Variants in ZNF331 observed in about 807,000 individuals in gnomAD.
ZNF331 encodes the protein C2H2-like zinc finger protein rearranged in thyroid adenomas.
A neutral mutation model predicts 7.0 loss-of-function variants in ZNF331; 2 were observed. The observed-to-expected ratio is 0.29, with a 90% CI of 0.12 to 0.90. The LOEUF (loss-of-function observed/expected upper bound fraction) is 0.90. Ranked by LOEUF, ZNF331 falls within the 40% of genes least tolerant of loss-of-function variation. The pLI, the probability that ZNF331 is intolerant of heterozygous loss-of-function variation, is 0.58. For synonymous variants in ZNF331, 196 were observed against 205.4 expected (o/e 0.95, Z 0.39); for missense variants, 432 against 587.7 (o/e 0.74, Z 2.74).
At chr19:53,520,319 T>C (rs12973155), upstream of ZNF331, among the ~76,000 whole-genome samples, 63,124 of 151,916 alleles carry the variant, frequency 0.42, 13,309 homozygotes, top group South Asian at 0.49. Flanking sequence ...AGTGCTGAGA[T>C]TACAGGCGTG....
intron 2 of ZNF331, among the ~76,000 whole-genome samples, chr19:53,528,260 T>C (rs993584977): frequency 2.0e-5 from 3 of 152,238 alleles, no homozygotes; most frequent in African/African-American, 7.2e-5. Flanking sequence ...AAATTCATGC[T>C]TAACATCAGG....
In ZNF331 at chr19:53,578,106, A is replaced by G; in HGVS notation, c.*154A>G. ...ATGGTGTGCCCTTCTGAGTAGCGTG[A>G]TGAAATCTCTCGCTGTCCGGCTCCA... On this transcript the variant is annotated 3_prime_UTR_variant, in exon 6 of 6. Coordinates refer to ENST00000449416, the MANE Select transcript of ZNF331 (RefSeq NM_001079906.2). The G allele has an allele frequency of 1.9e-6, 2 of 1,030,886 alleles. No homozygotes were observed. Among genetic ancestry groups the G allele is most frequent in the Non-Finnish European group, 2.7e-6 (2 of 734,542 alleles). 63.9% of individuals were successfully genotyped at this position (1,030,886 alleles called of 1,614,324 possible).
chr19:53,520,239 G>T (rs1262403140), upstream of ZNF331, among the ~76,000 whole-genome samples: 3 of 151,904 alleles, frequency 2.0e-5, no homozygotes, highest in African/African-American at 7.3e-5. Context: ...GAGCGATGGG[G>T]TTTCACCATG....
intron 2 of ZNF331, among the ~76,000 whole-genome samples, chr19:53,550,529 CTTTTT>C (rs60619357): frequency 3.1e-5 from 2 of 64,548 alleles, no homozygotes; most frequent in African/African-American, 6.5e-5. Context: ...TCTATTTTGT[CTTTTT>C]TTTTTTTTTT....
At chr19:53,556,421 C>A (rs974298404) in intron 3 of ZNF331, among the ~76,000 whole-genome samples, 2 of 151,604 alleles carry the variant, frequency 1.3e-5, no homozygotes, top group African/African-American at 4.8e-5. Context: ...TAATTCTTGT[C>A]TTAGTTGATT....
intron 1 of ZNF331, chr19:53,538,919 A>G (rs1316432584): frequency 6.6e-6 from 1 of 152,308 alleles, no homozygotes; most frequent in Non-Finnish European, 1.5e-5. Flanking sequence ...CTCGCCTGGA[A>G]ATTCACCAGC....
intron 2 of ZNF331, among the ~76,000 whole-genome samples, chr19:53,544,477 A>G (rs555176221): frequency 0.021 from 2,957 of 142,144 alleles, 58 homozygotes; most frequent in African/African-American, 0.058. Flanking sequence ...CCCAGGAGAC[A>G]GAGCTTGCAG....
At chr19:53,549,331 C>T (rs1474286439) in intron 2 of ZNF331, among the ~76,000 whole-genome samples, 2 of 152,084 alleles carry the variant, frequency 1.3e-5, no homozygotes, top group Admixed American at 6.6e-5. Flanking sequence ...GTCCGTTGCC[C>T]CATGAGCACA....
intron 2 of ZNF331, among the ~76,000 whole-genome samples, chr19:53,542,064 C>T (rs893773632): frequency 2.6e-5 from 4 of 151,976 alleles, no homozygotes; most frequent in African/African-American, 7.2e-5. Flanking sequence ...TCTTCTTTGC[C>T]TCTAAGCATG....
intron 2 of ZNF331, among the ~76,000 whole-genome samples, chr19:53,523,976 A>G (rs1488338376): frequency 1.3e-5 from 2 of 151,892 alleles, no homozygotes; most frequent in African/African-American, 4.8e-5. Flanking sequence ...AATTGATCTC[A>G]TTGTTCAGTT....
chr19:53,577,724 T>C lies in ZNF331; in HGVS notation c.1164T>C (p.Cys388=). Residue 388 remains cysteine, a synonymous_variant, in exon 6 of 6, where the codon TGT becomes TGC. Transcript: ENST00000449416. The part of the protein sequence containing the change: ...TGETPYKCKE[C]GKAFIYGSSL... ...AAACCCCGTATAAATGTAAGGAGTG[T>C]GGGAAGGCTTTCATTTATGGATCGA... 19 of 1,613,898 alleles carry C rather than the reference T, an allele frequency of 1.2e-5. No homozygotes were observed. The highest frequency in any genetic ancestry group is 1.6e-5 in the Non-Finnish European group (19 of 1,179,844).
upstream of ZNF331, chr19:53,537,278 G>T (rs8105870): frequency 2.0e-5 from 3 of 152,208 alleles, no homozygotes; most frequent in Admixed American, 6.5e-5. Context: ...GAATGAGAGC[G>T]GGACTCACGG....
upstream of ZNF331, among the ~76,000 whole-genome samples, chr19:53,536,745 CA>C (rs1240119760): frequency 6.6e-6 from 1 of 151,860 alleles, no homozygotes; most frequent in Non-Finnish European, 1.5e-5. Flanking sequence ...TCTAAAAATA[CA>C]AAAAAAATTA....
In ZNF331 at chr19:53,577,957, C is replaced by G; in HGVS notation, c.*5C>G. On this transcript the variant is annotated 3_prime_UTR_variant, in exon 6 of 6. Transcript: ENST00000449416. ...CAGAGGATCCACAACAGTTGAAGAG[C>G]CTTTTGAACGCAGTAGCCCGCTCGT... The G allele has an allele frequency of 6.2e-7, 1 of 1,605,690 alleles. No individual in the cohort carries two copies. The highest frequency in any genetic ancestry group is 1.3e-5 in the African/African-American group (1 of 74,860).
At chr19:53,521,252 G>C (rs764772221) in exon 1 of ZNF331, 2 of 152,456 alleles carry the variant, frequency 1.3e-5, no homozygotes, top group African/African-American at 2.4e-5. Context: ...GGAGCCACTC[G>C]GGACGCGGAG....
the ZNF331 span, among the ~76,000 whole-genome samples, chr19:53,505,849 G>A: frequency 1.3e-5 from 2 of 151,736 alleles, no homozygotes; most frequent in African/African-American, 4.8e-5. Context: ...GCTGGGCGTG[G>A]TGGTGGGCAC....
intron 1 of ZNF331, chr19:53,538,640 A>C (rs543163250): frequency 6.5e-6 from 1 of 153,620 alleles, no homozygotes; most frequent in Admixed American, 6.5e-5. Flanking sequence ...GTCTCAGGAC[A>C]GAGTGAGCTG....
intron 3 of ZNF331, among the ~76,000 whole-genome samples, chr19:53,564,122 G>A (rs1355059708): frequency 2.1e-5 from 3 of 142,518 alleles, no homozygotes; most frequent in Non-Finnish European, 3.0e-5. Context: ...CTGTTGCCCA[G>A]GCTGCAATAC....
the ZNF331 span, among the ~76,000 whole-genome samples, chr19:53,506,670 A>G: frequency 1.3e-5 from 2 of 152,150 alleles, no homozygotes; most frequent in African/African-American, 4.8e-5. Context: ...AACTCAACAG[A>G]CAGGGTTTAG....
Sources: gnomAD v4.1 joint callset for allele counts (sites outside exome capture counted in the v4.1 genomes callset) on GRCh38, gnomAD v4.1.1 for gene constraint, MANE v1.5 for transcripts, NCBI Gene and HGNC (gene_info 2026-07-23, HGNC 2026-07-21) for gene names.